Variants in TBC1D22A observed in about 807,000 individuals in gnomAD.
The protein encoded by TBC1D22A is TBC1 domain family member 22A.
TBC1D22A carries 38 observed loss-of-function variants against 60.2 expected under a neutral mutation model. The ratio of observed to expected loss-of-function variants is 0.63; its 90% CI spans 0.49 to 0.83. The LOEUF is 0.83. Ranked by LOEUF, TBC1D22A falls within the 40% of genes least tolerant of loss-of-function variation. TBC1D22A has a pLI of 0.00. For missense variants in TBC1D22A, 628 were observed against 701.0 expected, an observed-to-expected ratio of 0.90 and a Z score of 1.18; for synonymous variants, 302 against 281.7, an observed-to-expected ratio of 1.07 and a Z score of -0.72.
At chr22:46,858,314 G>C (rs887262024) in intron 4 of TBC1D22A, among the ~76,000 whole-genome samples, 6 of 152,118 alleles carry the variant, frequency 3.9e-5, no homozygotes, top group African/African-American at 1.4e-4. Context: ...ATTTTTAATT[G>C]GGTTACTCAT....
intron 4 of TBC1D22A, among the ~76,000 whole-genome samples, chr22:46,811,361 G>C (rs566702343): frequency 6.6e-6 from 1 of 152,362 alleles, no homozygotes; most frequent in Admixed American, 6.5e-5. Context: ...TGCCTGCTGT[G>C]CCAGGCCCTG....
chr22:47,134,111 G>T (rs1279658982), intron 12 of TBC1D22A, among the ~76,000 whole-genome samples: 2 of 152,196 alleles, frequency 1.3e-5, no homozygotes, highest in Admixed American at 1.3e-4. Context: ...CTCTTCCCTT[G>T]CACGTTTCTG....
chr22:46,891,048 C>A (rs749415159), intron 5 of TBC1D22A, among the ~76,000 whole-genome samples: 12 of 152,152 alleles, frequency 7.9e-5, no homozygotes, highest in Non-Finnish European at 1.2e-4. Flanking sequence ...AGCCCAGGCC[C>A]CTTCCTGAGT....
chr22:47,152,538 C>T (rs1392408501), intron 12 of TBC1D22A, among the ~76,000 whole-genome samples: 1 of 152,206 alleles, frequency 6.6e-6, no homozygotes, highest in African/African-American at 2.4e-5. Flanking sequence ...CCGGCCACAA[C>T]CCCCCACGTA....
chr22:46,813,089 C>G (rs994742146), intron 4 of TBC1D22A, among the ~76,000 whole-genome samples: 2 of 152,250 alleles, frequency 1.3e-5, no homozygotes, highest in African/African-American at 4.8e-5. Context: ...TCATTTGCTT[C>G]TTCCTTTACT....
In TBC1D22A at chr22:46,966,877, G is replaced by C. The variant is rs1175289808; in HGVS notation, c.1016-7413G>C. ...ACTCCTGACTGCGGGTCTGCTTGCG[G>C]GTGGTGGGATGGGAAACAGCTATGC... On this transcript the variant is annotated intron_variant, in intron 8 of 12. Coordinates refer to ENST00000337137, the MANE Select transcript of TBC1D22A (RefSeq NM_014346.5). 3.3e-5 allele frequency among the ~76,000 whole-genome samples: 5 copies of C among 152,310 alleles called. No homozygotes were observed. The East Asian group carries it at 9.6e-4, about 29-fold the overall frequency.
At chr22:47,015,330 C>T (rs2061871401) in intron 10 of TBC1D22A, among the ~76,000 whole-genome samples, 1 of 152,190 alleles carries the variant, frequency 6.6e-6, no homozygotes, top group African/African-American at 2.4e-5. Context: ...GGGAGGGCGG[C>T]TCGCTTTATT....
chr22:46,927,108 C>A (rs1005768670), intron 8 of TBC1D22A, among the ~76,000 whole-genome samples: 2 of 152,110 alleles, frequency 1.3e-5, no homozygotes. Flanking sequence ...TTCTATGTGG[C>A]CGATATTACT....
At chr22:47,080,251 A>C (rs2064408275) in intron 11 of TBC1D22A, among the ~76,000 whole-genome samples, 2 of 152,226 alleles carry the variant, frequency 1.3e-5, no homozygotes, top group South Asian at 2.1e-4. Flanking sequence ...GATTTAAATA[A>C]AATTATGAAG....
At chr22:46,957,525 G>T (rs2073265876) in intron 8 of TBC1D22A, among the ~76,000 whole-genome samples, 1 of 152,208 alleles carries the variant, frequency 6.6e-6, no homozygotes, top group Non-Finnish European at 1.5e-5. Context: ...GAACAGCATG[G>T]GGGAGACTGC....
At chr22:46,891,125 C>T (rs1445347742) in intron 5 of TBC1D22A, 141 bp from the exon 6 acceptor site, 8 of 934,190 alleles carry the variant, frequency 8.6e-6, no homozygotes, top group Non-Finnish European at 1.2e-5. Flanking sequence ...TTCTTTTTTC[C>T]CACAATTTGT....
chr22:46,822,588 G>C (rs1050416564), intron 4 of TBC1D22A, among the ~76,000 whole-genome samples: 2 of 152,158 alleles, frequency 1.3e-5, no homozygotes, highest in Non-Finnish European at 2.9e-5. Flanking sequence ...ACTCATGGAG[G>C]CTGGAGAGCA....
At chr22:46,974,465 C>T (rs2074211137) in intron 9 of TBC1D22A, 66 bp downstream of exon 9, 1 of 1,340,010 alleles carries the variant, frequency 7.5e-7, no homozygotes, top group Middle Eastern at 2.2e-4. Context: ...GAGCCTGAGG[C>T]CTTAGGCTGC....
intron 4 of TBC1D22A, among the ~76,000 whole-genome samples, chr22:46,869,958 C>T (rs1355379608): frequency 2.0e-5 from 3 of 152,180 alleles, no homozygotes; most frequent in Non-Finnish European, 4.4e-5. Flanking sequence ...TATTTTACAT[C>T]CAATTAGAAT....
At chr22:46,870,437 G>A (rs934663921) in intron 4 of TBC1D22A, among the ~76,000 whole-genome samples, 2 of 152,172 alleles carry the variant, frequency 1.3e-5, no homozygotes, top group Non-Finnish European at 2.9e-5. Context: ...TAGAAGAAAT[G>A]CTATTTATTT....
intron 4 of TBC1D22A, among the ~76,000 whole-genome samples, chr22:46,804,285 TA>T (rs1198912638): frequency 1.6e-4 from 24 of 152,248 alleles, no homozygotes; most frequent in Admixed American, 4.6e-4. Flanking sequence ...ATTTTGTCAC[TA>T]AAGGGTTTCT....
intron 7 of TBC1D22A, among the ~76,000 whole-genome samples, chr22:46,896,550 C>T (rs765762299): frequency 1.4e-4 from 21 of 152,188 alleles, no homozygotes; most frequent in Non-Finnish European, 1.8e-4. Flanking sequence ...TAATTTCCTC[C>T]TGGGACAGTG....
At chr22:47,033,726 C>T (rs1053631085) in intron 10 of TBC1D22A, among the ~76,000 whole-genome samples, 1 of 152,154 alleles carries the variant, frequency 6.6e-6, no homozygotes, top group Non-Finnish European at 1.5e-5. Flanking sequence ...AGACAGGTGC[C>T]CTGGTGGAAG....
chr22:47,008,196 G>T (rs2061648377), intron 10 of TBC1D22A, among the ~76,000 whole-genome samples: 1 of 152,182 alleles, frequency 6.6e-6, no homozygotes, highest in Non-Finnish European at 1.5e-5. Context: ...CCAGAATGCT[G>T]GTTCATGATA....
Sources: allele counts gnomAD v4.1 joint callset (sites outside exome capture counted in the v4.1 genomes callset), GRCh38; gene constraint gnomAD v4.1.1; transcripts MANE v1.5; gene names NCBI Gene and HGNC (gene_info 2026-07-23, HGNC 2026-07-21).